The following XYLT1 variants were observed in gnomAD, a reference collection of about 807,000 sequenced individuals.
XYLT1 encodes the protein xylosyltransferase 1.
A neutral mutation model predicts 91.3 loss-of-function variants in XYLT1; 36 were observed. The observed-to-expected ratio is 0.39, with a 90% CI of 0.30 to 0.52. The LOEUF is 0.52. Among genes scored for constraint, XYLT1 ranks in the 20% least tolerant of loss-of-function variants. The pLI is 0.68. For missense variants in XYLT1, 1,242 were observed against 1,284.5 expected, an observed-to-expected ratio of 0.97 and a Z score of 0.51; for synonymous variants, 588 against 532.0, an observed-to-expected ratio of 1.11 and a Z score of -1.45.
rs2035972422 is a variant in XYLT1 at position 17,401,829 on chromosome 16, A to C, written c.364-43779T>G. Reference sequence around the variant, plus strand: ...AAAAATTATTACAGAAATAATTAGAAAATAAAATAAAAGCCATAGGCCCAA... The same window carrying C: ...AAAAATTATTACAGAAATAATTAGACAATAAAATAAAAGCCATAGGCCCAA... On this transcript the variant is annotated intron_variant, in intron 1 of 11. Transcript: ENST00000261381. Among the ~76,000 whole-genome samples the C allele has an allele frequency of 2.0e-5, 3 of 152,098 alleles. No homozygotes were observed. The South Asian group carries it at 6.2e-4, about 32-fold the overall frequency.
At chr16:17,405,047 C>T (rs1366002941) in intron 1 of XYLT1, among the ~76,000 whole-genome samples, 1 of 152,168 alleles carries the variant, frequency 6.6e-6, no homozygotes, top group Admixed American at 6.5e-5. Context: ...TTAGAGGGCC[C>T]CTGGTTAATC....
chr16:17,209,224 A>G (rs1245833879), intron 3 of XYLT1, among the ~76,000 whole-genome samples: 1 of 152,186 alleles, frequency 6.6e-6, no homozygotes, highest in African/African-American at 2.4e-5. Flanking sequence ...TGAATTTGAT[A>G]AGGAACCTCA....
intron 2 of XYLT1, among the ~76,000 whole-genome samples, chr16:17,352,028 G>T (rs1567387996): frequency 6.6e-6 from 1 of 152,126 alleles, no homozygotes; most frequent in Middle Eastern, 3.2e-3. Context: ...CTACTTGGGA[G>T]GCTGAGGTGG....
At chr16:17,397,230 G>A (rs929077752) in intron 1 of XYLT1, among the ~76,000 whole-genome samples, 2 of 152,154 alleles carry the variant, frequency 1.3e-5, no homozygotes, top group Non-Finnish European at 2.9e-5. Context: ...TGAGGAGGAT[G>A]CTTGGATCGG....
intron 10 of XYLT1, among the ~76,000 whole-genome samples, chr16:17,126,708 G>A (rs2030272939): frequency 6.6e-6 from 1 of 152,162 alleles, no homozygotes; most frequent in African/African-American, 2.4e-5. Flanking sequence ...CACGTCCTTA[G>A]CACTTAGGGA....
intron 1 of XYLT1, among the ~76,000 whole-genome samples, chr16:17,426,329 G>A (rs151334189): frequency 7.9e-5 from 12 of 152,270 alleles, no homozygotes; most frequent in African/African-American, 2.6e-4. Flanking sequence ...GGAGGCCGAG[G>A]CAGATGGATC....
intron 6 of XYLT1, among the ~76,000 whole-genome samples, chr16:17,144,649 A>G (rs2031085305): frequency 6.6e-6 from 1 of 152,242 alleles, no homozygotes; most frequent in Admixed American, 6.5e-5. Context: ...CTCTGGGCAG[A>G]TGACACAGAT....
At chr16:17,206,478 A>G (rs894798205) in intron 3 of XYLT1, among the ~76,000 whole-genome samples, 4 of 152,114 alleles carry the variant, frequency 2.6e-5, no homozygotes, top group African/African-American at 9.7e-5. Context: ...TTCTGCTGTG[A>G]ACCAGCCACG....
chr16:17,201,247 T>G (rs2032536034), intron 3 of XYLT1, among the ~76,000 whole-genome samples: 1 of 152,174 alleles, frequency 6.6e-6, no homozygotes, highest in Non-Finnish European at 1.5e-5. Context: ...CCAATACCTT[T>G]TGTGGCATCA....
chr16:17,118,476 A>C (rs2029932180), intron 10 of XYLT1, among the ~76,000 whole-genome samples: 1 of 152,180 alleles, frequency 6.6e-6, no homozygotes, highest in African/African-American at 2.4e-5. Context: ...CATAAGCTAG[A>C]GACCCTCAGC....
intron 5 of XYLT1, among the ~76,000 whole-genome samples, chr16:17,182,999 C>A (rs573631291): frequency 1.1e-3 from 170 of 152,330 alleles, no homozygotes; most frequent in Middle Eastern, 3.4e-3. Flanking sequence ...TTGGCTTTGG[C>A]AGCCACATCG....
At chr16:17,387,433 T>C (rs1343125949) in intron 1 of XYLT1, among the ~76,000 whole-genome samples, 1 of 152,048 alleles carries the variant, frequency 6.6e-6, no homozygotes, top group Non-Finnish European at 1.5e-5. Context: ...GCACTAGTGA[T>C]TAATTAGGTA....
At chr16:17,437,171 G>C (rs1456680167) in intron 1 of XYLT1, among the ~76,000 whole-genome samples, 1 of 151,902 alleles carries the variant, frequency 6.6e-6, no homozygotes, top group Non-Finnish European at 1.5e-5. Context: ...ACTACATTTG[G>C]AACACTTTAC....
chr16:17,301,827 C>G (rs2034400469), intron 2 of XYLT1, among the ~76,000 whole-genome samples: 2 of 152,164 alleles, frequency 1.3e-5, no homozygotes, highest in South Asian at 4.1e-4. Context: ...GGAATTTTCA[C>G]CTGGTCTCTC....
At chr16:17,113,341 C>T (rs1352020710) in intron 11 of XYLT1, among the ~76,000 whole-genome samples, 1 of 151,864 alleles carries the variant, frequency 6.6e-6, no homozygotes, top group African/African-American at 2.4e-5. Context: ...CAGGGTTTCA[C>T]CACATTGGCC....
chr16:17,250,270 A>G (rs77023347), intron 3 of XYLT1: 35,409 of 152,224 alleles, frequency 0.23, 4,875 homozygotes, highest in African/African-American at 0.36. Context: ...ACAGCCTGTA[A>G]CTATCTATTT....
At chr16:17,385,354 G>A (rs1159111454) in intron 1 of XYLT1, among the ~76,000 whole-genome samples, 1 of 150,704 alleles carries the variant, frequency 6.6e-6, no homozygotes, top group East Asian at 2.0e-4. Flanking sequence ...TCTGCCAGAG[G>A]CTGTAATATC....
At chr16:17,420,665 A>T (rs2036239488) in intron 1 of XYLT1, among the ~76,000 whole-genome samples, 1 of 146,466 alleles carries the variant, frequency 6.8e-6, no homozygotes, top group South Asian at 2.2e-4. Flanking sequence ...ATCCAAAAAA[A>T]TGTACTAGGC....
At chr16:17,213,667 G>GC (rs2032803861) in intron 3 of XYLT1, among the ~76,000 whole-genome samples, 1 of 151,752 alleles carries the variant, frequency 6.6e-6, no homozygotes, top group Admixed American at 6.6e-5. Context: ...CGCCCAGGCT[G>GC]GAGTGCAGTA....
Sources: gnomAD v4.1 joint callset for allele counts (sites outside exome capture counted in the v4.1 genomes callset) on GRCh38, gnomAD v4.1.1 for gene constraint, MANE v1.5 for transcripts, NCBI Gene and HGNC (gene_info 2026-07-23, HGNC 2026-07-21) for gene names.